ZNF532: variants seen among roughly 807,000 people sequenced by gnomAD.
ZNF532 encodes the protein zinc finger protein 532.
A neutral mutation model predicts 89.3 loss-of-function variants in ZNF532; 22 were observed. The observed-to-expected ratio is 0.25, with a 90% confidence interval of 0.18 to 0.35. The LOEUF is 0.35. ZNF532 is among the 10% of genes least tolerant of loss of function. The pLI is 1.00. For missense variants in ZNF532, 1,132 were observed against 1,643.4 expected, an observed-to-expected ratio of 0.69 and a Z score of 5.38; for synonymous variants, 606 against 649.6, an observed-to-expected ratio of 0.93 and a Z score of 1.02.
At chr18:58,961,670 C>T (rs377707012) in intron 7 of ZNF532, among the ~76,000 whole-genome samples, 5 of 152,152 alleles carry the variant, frequency 3.3e-5, no homozygotes, top group African/African-American at 1.2e-4. Context: ...TCCATTGCAT[C>T]GATTTAAGAT....
intron 2 of ZNF532, among the ~76,000 whole-genome samples, chr18:58,868,422 G>A (rs2056673960): frequency 1.3e-5 from 2 of 152,132 alleles, no homozygotes; most frequent in Non-Finnish European, 1.5e-5. Context: ...CCACCACCAC[G>A]GGCGAAGCAG....
intron 7 of ZNF532, among the ~76,000 whole-genome samples, chr18:58,959,269 T>G (rs1054909351): frequency 1.0e-4 from 15 of 146,664 alleles, no homozygotes; most frequent in Non-Finnish European, 1.5e-4. Context: ...TGTTTTTTTT[T>G]GTTTTTTTTT....
chr18:58,868,517 T>C (rs75857637), intron 2 of ZNF532, among the ~76,000 whole-genome samples: 1,670 of 152,300 alleles, frequency 0.011, 35 homozygotes, highest in East Asian at 0.092. Context: ...TGTCTCACTA[T>C]AGGGACATGG....
intron 2 of ZNF532, among the ~76,000 whole-genome samples, chr18:58,880,770 G>GCA (rs774037710): frequency 1.4e-5 from 2 of 144,232 alleles, no homozygotes; most frequent in Non-Finnish European, 3.0e-5. Flanking sequence ...GCACGCGCGC[G>GCA]CGTCTGTGTG....
At chr18:58,883,977 C>T (rs1003440836) in intron 2 of ZNF532, among the ~76,000 whole-genome samples, 5 of 152,232 alleles carry the variant, frequency 3.3e-5, no homozygotes, top group Admixed American at 3.3e-4. Flanking sequence ...GTGAAATCCC[C>T]AGAGAAGTAG....
At chr18:58,970,919 A>G (rs2066415993) in intron 7 of ZNF532, among the ~76,000 whole-genome samples, 1 of 152,230 alleles carries the variant, frequency 6.6e-6, no homozygotes, top group South Asian at 2.1e-4. Flanking sequence ...TTAGAAAGTT[A>G]GGTAGCCTTC....
chr18:58,883,287 G>C (rs1264246242), intron 2 of ZNF532, among the ~76,000 whole-genome samples: 1 of 152,066 alleles, frequency 6.6e-6, no homozygotes. Flanking sequence ...ATCACTGTGG[G>C]GGATACTTTC....
chr18:58,934,034 T>C (rs1435981323), intron 3 of ZNF532, among the ~76,000 whole-genome samples: 1 of 152,230 alleles, frequency 6.6e-6, no homozygotes, highest in Non-Finnish European at 1.5e-5. Context: ...TGGAGAAAGC[T>C]TTTTATGAAT....
At chr18:58,925,391 T>C (rs73439946) in intron 3 of ZNF532, among the ~76,000 whole-genome samples, 11,670 of 152,274 alleles carry the variant, frequency 0.077, 834 homozygotes, top group African/African-American at 0.18. Context: ...TTTCATGGGT[T>C]TAATTTGCCA....
intron 5 of ZNF532, 139 bp from the exon 6 acceptor site, chr18:58,947,928 G>T: frequency 2.8e-6 from 2 of 725,978 alleles, no homozygotes; most frequent in Non-Finnish European, 4.4e-6. Flanking sequence ...GTTTGTTTCA[G>T]AGCTAATCGT....
chr18:58,982,454 CTACTA>C (rs1287249084), intron 9 of ZNF532, among the ~76,000 whole-genome samples: 3 of 151,892 alleles, frequency 2.0e-5, no homozygotes, highest in Non-Finnish European at 2.9e-5. Flanking sequence ...AACCCCGTCT[CTACTA>C]AAAGTACAAA....
chr18:58,972,111 C>T (rs73439986), intron 7 of ZNF532, among the ~76,000 whole-genome samples: 3,071 of 152,216 alleles, frequency 0.02, 130 homozygotes, highest in African/African-American at 0.068. Context: ...GGCTGAGGTA[C>T]GAGAATCACT....
At chr18:58,871,058 ATAGTGG>A (rs2056938028) in intron 2 of ZNF532, among the ~76,000 whole-genome samples, 1 of 152,116 alleles carries the variant, frequency 6.6e-6, no homozygotes, top group Non-Finnish European at 1.5e-5. Context: ...GTCCCCTAAG[ATAGTGG>A]CTTACGTAGT....
chr18:58,870,451 G>GGA (rs2056885787), intron 2 of ZNF532, among the ~76,000 whole-genome samples: 1 of 152,186 alleles, frequency 6.6e-6, no homozygotes, highest in South Asian at 2.1e-4. Context: ...AAAGGTCTGG[G>GGA]GAGAGCTTGG....
chr18:58,971,746 A>C (rs1402291482), intron 7 of ZNF532, among the ~76,000 whole-genome samples: 3 of 152,212 alleles, frequency 2.0e-5, no homozygotes, highest in Non-Finnish European at 4.4e-5. Flanking sequence ...ATTTTTCACA[A>C]CCTTTATATT....
chr18:58,918,206 G>T (rs1428074228), intron 2 of ZNF532, 65 bp from the exon 3 acceptor site: 7 of 1,401,560 alleles, frequency 5.0e-6, no homozygotes, highest in Non-Finnish European at 6.8e-6. Flanking sequence ...GAATTGTATA[G>T]GGGTTTTATC....
intron 9 of ZNF532, among the ~76,000 whole-genome samples, 198 bp downstream of exon 9, chr18:58,981,815 C>T (rs192199281): frequency 2.0e-3 from 307 of 151,974 alleles, no homozygotes; most frequent in Middle Eastern, 6.8e-3. Flanking sequence ...CCAGCCTGGC[C>T]GACATGGTGT....
chr18:58,902,694 G>A (rs1022342464), intron 2 of ZNF532, among the ~76,000 whole-genome samples: 6 of 151,972 alleles, frequency 3.9e-5, no homozygotes, highest in Non-Finnish European at 8.8e-5. Flanking sequence ...GTTTCTCCAT[G>A]TTGGTCAGGG....
chr18:58,957,162 A>G (rs1353667984), intron 7 of ZNF532, among the ~76,000 whole-genome samples: 1 of 152,094 alleles, frequency 6.6e-6, no homozygotes, highest in Admixed American at 6.5e-5. Flanking sequence ...TCTAATTCCT[A>G]TGGGTTTAAG....
Sources: gnomAD v4.1 joint callset for allele counts (sites outside exome capture counted in the v4.1 genomes callset) on GRCh38, gnomAD v4.1.1 for gene constraint, MANE v1.5 for transcripts, NCBI Gene and HGNC (gene_info 2026-07-23, HGNC 2026-07-21) for gene names.